The following ULK4 variants were observed in gnomAD, a reference collection of about 807,000 sequenced individuals.
The protein encoded by ULK4 is inactive serine/threonine-protein kinase ULK4.
A neutral mutation model predicts 160.6 loss-of-function variants in ULK4; 133 were observed. That is an observed-to-expected ratio of 0.83 (90% CI 0.72 to 0.96). ULK4 has a LOEUF of 0.96. Ranked by LOEUF, ULK4 falls within the 40% of genes least tolerant of loss-of-function variation. The pLI is 0.00. For missense variants in ULK4, 1,580 were observed against 1,499.5 expected, an observed-to-expected ratio of 1.05 and a Z score of -0.89; for synonymous variants, 534 against 539.8, an observed-to-expected ratio of 0.99 and a Z score of 0.15.
intron 31 of ULK4, among the ~76,000 whole-genome samples, chr3:41,584,962 T>A (rs1448961522): frequency 3.3e-5 from 5 of 152,044 alleles, no homozygotes; most frequent in Non-Finnish European, 7.4e-5. Flanking sequence ...GGCAAAAGAC[T>A]TGTACACAAA....
At chr3:41,422,868 A>G (rs1394421248) in intron 34 of ULK4, among the ~76,000 whole-genome samples, 1 of 152,224 alleles carries the variant, frequency 6.6e-6, no homozygotes, top group East Asian at 1.9e-4. Flanking sequence ...GAAGTACTAC[A>G]CAAACATGTG....
At chr3:41,746,808 T>C (rs2125887717) in intron 22 of ULK4, among the ~76,000 whole-genome samples, 1 of 152,030 alleles carries the variant, frequency 6.6e-6, no homozygotes. Flanking sequence ...GACACACAGA[T>C]AAATTGAAAA....
intron 18 of ULK4, among the ~76,000 whole-genome samples, chr3:41,831,532 T>TAA (rs577123829): frequency 7.9e-6 from 1 of 125,894 alleles, no homozygotes; most frequent in Non-Finnish European, 1.5e-5. Flanking sequence ...TATATATATA[T>TAA]TTTTTTTTCT....
At chr3:41,628,567 T>C in intron 30 of ULK4, among the ~76,000 whole-genome samples, 1 of 152,122 alleles carries the variant, frequency 6.6e-6, no homozygotes, top group Non-Finnish European at 1.5e-5. Flanking sequence ...CAAAAACGTA[T>C]TATGGTTATG....
At chr3:41,417,183 G>A (rs955012912) in intron 34 of ULK4, among the ~76,000 whole-genome samples, 3 of 152,170 alleles carry the variant, frequency 2.0e-5, no homozygotes, top group African/African-American at 7.2e-5. Flanking sequence ...CACAGCACTT[G>A]TTCCAGGAGA....
intron 32 of ULK4, among the ~76,000 whole-genome samples, chr3:41,515,622 T>C (rs1376691474): frequency 6.6e-6 from 1 of 152,138 alleles, no homozygotes; most frequent in South Asian, 2.1e-4. Context: ...CTTCTTCACA[T>C]GGTGGCAGGA....
chr3:41,712,961 G>GT (rs1286484931), intron 25 of ULK4, among the ~76,000 whole-genome samples: 1 of 151,606 alleles, frequency 6.6e-6, no homozygotes, highest in East Asian at 1.9e-4. Flanking sequence ...AATATGAATG[G>GT]ACTACTTCCC....
intron 31 of ULK4, among the ~76,000 whole-genome samples, chr3:41,608,825 C>G (rs963490315): frequency 6.6e-6 from 1 of 152,184 alleles, no homozygotes; most frequent in Non-Finnish European, 1.5e-5. Flanking sequence ...CTGGCCCTTC[C>G]TACTATTTCA....
At chr3:41,436,344 T>G (rs1461047653) in intron 34 of ULK4, among the ~76,000 whole-genome samples, 1 of 152,186 alleles carries the variant, frequency 6.6e-6, no homozygotes. Flanking sequence ...CCATTGCAAG[T>G]TGAGGAGCAT....
At position 41,625,389 on chromosome 3, in the gene ULK4, T is replaced by C. The variant is rs572209657; in HGVS notation, c.3072-9672A>G. On this transcript the variant is annotated intron_variant, in intron 30 of 36. Transcript: ENST00000301831. ...ATGTGGTTTTAAAAAATCGGTCTCC[T>C]TACTTTAAGCATCTCCTCTCACACA... Among the ~76,000 whole-genome samples, 11 of 152,320 alleles carry C rather than the reference T, an allele frequency of 7.2e-5. No homozygotes were observed. In the East Asian group the frequency reaches 1.9e-3, roughly 27 times the overall value.
At chr3:41,532,477 G>A (rs879379391) in intron 32 of ULK4, among the ~76,000 whole-genome samples, 145 of 152,162 alleles carry the variant, frequency 9.5e-4, no homozygotes, top group Non-Finnish European at 1.4e-3. Context: ...AATTTTGTTT[G>A]TTTTTTATTT....
chr3:41,865,583 T>G (rs2042597705), intron 17 of ULK4, among the ~76,000 whole-genome samples: 1 of 152,158 alleles, frequency 6.6e-6, no homozygotes, highest in Non-Finnish European at 1.5e-5. Flanking sequence ...TTACTTCAAC[T>G]TCCTCTCTTT....
chr3:41,438,975 A>AT (rs1316070622), intron 34 of ULK4, among the ~76,000 whole-genome samples: 61 of 134,146 alleles, frequency 4.5e-4, no homozygotes, highest in African/African-American at 2.0e-3. Flanking sequence ...CACCAGGAAA[A>AT]TTTAAAAAAA....
intron 27 of ULK4, among the ~76,000 whole-genome samples, chr3:41,699,828 T>G (rs1198295653): frequency 6.6e-6 from 1 of 152,214 alleles, no homozygotes; most frequent in Non-Finnish European, 1.5e-5. Flanking sequence ...TTAAAAAATA[T>G]TTTTATGAAG....
intron 7 of ULK4, among the ~76,000 whole-genome samples, chr3:41,917,805 C>A (rs533993702): frequency 1.2e-4 from 18 of 152,008 alleles, no homozygotes; most frequent in Admixed American, 1.1e-3. Flanking sequence ...GATGGTGAAA[C>A]CCCGTCTCTA....
intron 33 of ULK4, among the ~76,000 whole-genome samples, chr3:41,456,573 C>G (rs1352435868): frequency 6.6e-6 from 1 of 152,184 alleles, no homozygotes; most frequent in Non-Finnish European, 1.5e-5. Flanking sequence ...CATTGTGTGT[C>G]TTCTCGCAGG....
chr3:41,856,870 C>G (rs553913389), intron 17 of ULK4, among the ~76,000 whole-genome samples: 45 of 151,968 alleles, frequency 3.0e-4, no homozygotes, highest in African/African-American at 1.0e-3. Flanking sequence ...GACTGCCCAA[C>G]TGCACCACAG....
intron 35 of ULK4, among the ~76,000 whole-genome samples, chr3:41,267,920 G>C (rs938780971): frequency 6.6e-6 from 1 of 152,174 alleles, no homozygotes; most frequent in African/African-American, 2.4e-5. Context: ...ACCAGATTGA[G>C]AGAGCCCGTG....
At chr3:41,498,328 G>A (rs1038008606) in intron 32 of ULK4, among the ~76,000 whole-genome samples, 3 of 152,042 alleles carry the variant, frequency 2.0e-5, no homozygotes, top group Admixed American at 6.5e-5. Context: ...ATAATCACAA[G>A]GGAAATTAGA....
Sources: gnomAD v4.1 joint callset for allele counts (sites outside exome capture counted in the v4.1 genomes callset) on GRCh38, gnomAD v4.1.1 for gene constraint, MANE v1.5 for transcripts, NCBI Gene and HGNC (gene_info 2026-07-23, HGNC 2026-07-21) for gene names.